CNOT4: variants seen among roughly 807,000 people sequenced by gnomAD.
The protein encoded by CNOT4 is CCR4-associated factor 4.
A neutral mutation model predicts 73.8 loss-of-function variants in CNOT4; 8 were observed. The observed-to-expected ratio is 0.11, with a 90% CI of 0.06 to 0.20. The LOEUF is 0.20. Ranked by LOEUF, CNOT4 falls within the 10% of genes least tolerant of loss-of-function variation. CNOT4 has a pLI of 1.00. For missense variants in CNOT4, 564 were observed against 883.4 expected (o/e 0.64, Z 4.58); for synonymous variants, 293 against 321.1 (o/e 0.91, Z 0.94).
chr7:135,449,755 CT>C (rs1800051097), intron 1 of CNOT4, among the ~76,000 whole-genome samples: 1 of 151,162 alleles, frequency 6.6e-6, no homozygotes, highest in South Asian at 2.1e-4. Flanking sequence ...ACTGAAAAGA[CT>C]TTGACATGGA....
chr7:135,380,315 G>T lies in CNOT4; in HGVS notation c.1627+13603C>A, dbSNP rs374669230. On this transcript the variant is annotated intron_variant, in intron 10 of 11. Transcript: ENST00000541284. ...TGTCACCAGTCTAGTGGTTATGTGT[G>T]TTGTCCCCTAAATTCTCTTTGGTAC... Among the ~76,000 whole-genome samples the T allele has an allele frequency of 1.1e-4, 17 of 152,234 alleles. No homozygotes were observed. In the East Asian group the frequency reaches 3.3e-3, roughly 29 times the overall value.
At chr7:135,387,120 T>C (rs1796159541) in intron 10 of CNOT4, 1 of 980,894 alleles carries the variant, frequency 1.0e-6, no homozygotes. Flanking sequence ...ATAATTAAAT[T>C]AAGCTATAGT....
intron 7 of CNOT4, among the ~76,000 whole-genome samples, chr7:135,405,651 T>C (rs1331724632): frequency 6.6e-6 from 1 of 152,202 alleles, no homozygotes; most frequent in Non-Finnish European, 1.5e-5. Flanking sequence ...GAATTCATAA[T>C]AATGAAGGGG....
intron 1 of CNOT4, among the ~76,000 whole-genome samples, chr7:135,497,627 A>T (rs1803675715): frequency 6.6e-6 from 1 of 152,218 alleles, no homozygotes; most frequent in Non-Finnish European, 1.5e-5. Context: ...TTTTAAACAC[A>T]TCACTATCAT....
At chr7:135,365,737 T>C (rs1234840587) in intron 10 of CNOT4, among the ~76,000 whole-genome samples, 1 of 152,136 alleles carries the variant, frequency 6.6e-6, no homozygotes, top group Admixed American at 6.5e-5. Context: ...CAGAGAAGCA[T>C]TATAGTGTGT....
chr7:135,487,237 T>C (rs1802781772), intron 1 of CNOT4, among the ~76,000 whole-genome samples: 1 of 152,018 alleles, frequency 6.6e-6, no homozygotes. Context: ...TATATGATTT[T>C]CTTTTCTTTT....
intron 10 of CNOT4, among the ~76,000 whole-genome samples, chr7:135,371,998 T>C (rs1040262942): frequency 3.3e-5 from 5 of 152,138 alleles, no homozygotes; most frequent in Admixed American, 1.3e-4. Context: ...GATCCAAAGA[T>C]GGTCAAGGGA....
Position 135,409,029 on chromosome 7 carries a change from A to G in CNOT4, c.821+1486T>C, listed in dbSNP as rs896431902. Among the ~76,000 whole-genome samples the G allele has an allele frequency of 3.3e-5, 5 of 152,200 alleles. No individual in the cohort carries two copies. In the East Asian group the frequency reaches 9.6e-4, roughly 29 times the overall value. The stretch of plus-strand genomic sequence containing the variant: ...AAATGTTATCTCAAAGAGATCATCT[A>G]AATTTTAAATTTTTGCTCTGAAATC... On this transcript the variant is annotated intron_variant, in intron 7 of 11. Transcript: ENST00000541284.
rs1161354471 is a variant in CNOT4, at chr7:135,376,501, A to G, written c.1628-12435T>C. Among the ~76,000 whole-genome samples the G allele has an allele frequency of 3.3e-5, 5 of 152,330 alleles. No homozygotes were observed. In the East Asian group the frequency reaches 9.6e-4, roughly 29 times the overall value. ...AGCAATAAAATATTTTTATTGGGGC[A>G]GAAGTCTCTCTTCAGGTTTACATTC... On this transcript the variant is annotated intron_variant, in intron 10 of 11. Transcript: ENST00000541284.
In CNOT4 at chr7:135,483,044, T is replaced by C. The variant is rs182206195; in HGVS notation, c.-93+26845A>G. Among the ~76,000 whole-genome samples, 136 of 84,082 alleles carry C rather than the reference T, an allele frequency of 1.6e-3. 1 individual carries two copies. The highest frequency in any genetic ancestry group is 6.2e-3 in the African/African-American group (131 of 21,174). 55.2% of individuals were successfully genotyped at this position (84,082 alleles called of 152,430 possible). On this transcript the variant is annotated intron_variant, in intron 1 of 11. Coordinates refer to ENST00000541284, the MANE Select transcript of CNOT4 (RefSeq NM_001190850.2). ...AAATCCTGAACAAAATATTAGCAAA[T>C]AAAATCTAGTCTGTGAACAGTGGCT...
intron 1 of CNOT4, among the ~76,000 whole-genome samples, chr7:135,502,358 TACAA>T: frequency 6.6e-6 from 1 of 152,220 alleles, no homozygotes; most frequent in Non-Finnish European, 1.5e-5. Context: ...GATATCCCTG[TACAA>T]ACAGACTGGA....
intron 1 of CNOT4, among the ~76,000 whole-genome samples, chr7:135,505,651 G>C (rs1044304538): frequency 6.6e-6 from 1 of 152,110 alleles, no homozygotes; most frequent in Non-Finnish European, 1.5e-5. Context: ...CTTAAAGTTA[G>C]GTTTTCCTAC....
At chr7:135,401,022 G>A (rs1331195256) in intron 7 of CNOT4, among the ~76,000 whole-genome samples, 4 of 152,114 alleles carry the variant, frequency 2.6e-5, no homozygotes, top group African/African-American at 9.7e-5. Flanking sequence ...TAAAAGATAG[G>A]AGAATCCCTG....
intron 1 of CNOT4, among the ~76,000 whole-genome samples, chr7:135,475,420 T>C (rs1421435441): frequency 1.3e-5 from 2 of 152,126 alleles, no homozygotes; most frequent in African/African-American, 2.4e-5. Flanking sequence ...ATATTTGACG[T>C]AGGAAAGCTC....
chr7:135,453,818 T>C (rs914527191), intron 1 of CNOT4, among the ~76,000 whole-genome samples: 4 of 89,780 alleles, frequency 4.5e-5, no homozygotes, highest in South Asian at 3.5e-4. Context: ...ATAATAAATA[T>C]ATATATTTTA....
Position 135,394,259 on chromosome 7 carries a change from G to T in CNOT4, c.1286C>A (p.Pro429His). 1.2e-6 allele frequency: 2 copies of T among 1,614,160 alleles called. No homozygotes were observed. The highest frequency in any genetic ancestry group is 1.7e-6 in the Non-Finnish European group (2 of 1,180,012). The change falls in exon 10 of 12, where the codon CCT becomes CAT. Residue 429 changes from proline (P) to histidine (H), a missense_variant. Transcript: ENST00000541284. ...CTGAAGAGATGTGGGCGAAAGGGAA[G>T]GTTGGTCTTGAACGGACAGTTCCTT... The part of the protein sequence containing the change: ...IEKELSVQDQ[P>H]SLSPTSLQNS...
At chr7:135,485,135 C>T (rs1343968360) in intron 1 of CNOT4, among the ~76,000 whole-genome samples, 4 of 152,108 alleles carry the variant, frequency 2.6e-5, no homozygotes, top group African/African-American at 7.2e-5. Flanking sequence ...TGCAGTGGCA[C>T]GATCTTGGCT....
At chr7:135,450,421 C>T (rs892493224) in intron 1 of CNOT4, among the ~76,000 whole-genome samples, 1 of 151,994 alleles carries the variant, frequency 6.6e-6, no homozygotes, top group East Asian at 1.9e-4. Context: ...TGGGTTCAAG[C>T]GATTCTCCTT....
At chr7:135,495,612 A>G (rs1803443024) in intron 1 of CNOT4, among the ~76,000 whole-genome samples, 1 of 145,130 alleles carries the variant, frequency 6.9e-6, no homozygotes, top group African/African-American at 2.5e-5. Flanking sequence ...GGAGGCTATA[A>G]GGAGCCAAGA....
Sources: allele counts gnomAD v4.1 joint callset (sites outside exome capture counted in the v4.1 genomes callset), GRCh38; gene constraint gnomAD v4.1.1; transcripts MANE v1.5; gene names NCBI Gene and HGNC (gene_info 2026-07-23, HGNC 2026-07-21).